Variants in PPP2R2C observed in about 807,000 individuals in gnomAD.
PPP2R2C encodes the protein protein phosphatase 2 regulatory subunit Bgamma.
Under a neutral mutation model 45.3 loss-of-function variants are expected in PPP2R2C, and 10 were observed. The ratio of observed to expected loss-of-function variants is 0.22; its 90% CI spans 0.14 to 0.37. PPP2R2C has a LOEUF of 0.37. PPP2R2C is among the 10% of genes least tolerant of loss of function. PPP2R2C has a pLI of 1.00. For missense variants in PPP2R2C, 308 were observed against 619.7 expected, an observed-to-expected ratio of 0.50 and a Z score of 5.34; for synonymous variants, 257 against 245.4, an observed-to-expected ratio of 1.05 and a Z score of -0.44.
rs916280657 is a variant in PPP2R2C, at chr4:6,347,971, G to A, written c.665C>T (p.Thr222Met). The A allele has an allele frequency of 2.5e-6, 4 of 1,613,900 alleles. No homozygotes were observed. Among genetic ancestry groups the A allele is most frequent in the African/African-American group, 2.7e-5 (2 of 74,894 alleles). The change falls in exon 6 of 9, where the codon ACG becomes ATG. Residue 222 changes from threonine (T) to methionine (M), a missense_variant. By Grantham distance (81) the Thr-to-Met change is moderately conservative. Transcript: ENST00000382599. ...GAACTCAGATGCTGTGATCACCTCC[G>A]TAAGGTCCTCCATGTTGGCCGGCTT... The part of the protein sequence containing the change: ...DIKPANMEDL[T>M]EVITASEFHP...
At chr4:6,534,795 G>A (rs1411394277) in intron 2 of PPP2R2C, among the ~76,000 whole-genome samples, 1 of 152,208 alleles carries the variant, frequency 6.6e-6, no homozygotes, top group Non-Finnish European at 1.5e-5. Context: ...CTCGCCCCCA[G>A]TCGGGGTCTA....
chr4:6,443,871 C>T (rs1720284020), intron 1 of PPP2R2C, among the ~76,000 whole-genome samples: 1 of 152,072 alleles, frequency 6.6e-6, no homozygotes, highest in Admixed American at 6.5e-5. Flanking sequence ...CACACAGCCT[C>T]TCAGGTGCAG....
chr4:6,443,485 G>A (rs1382335233), intron 1 of PPP2R2C, among the ~76,000 whole-genome samples: 11 of 152,174 alleles, frequency 7.2e-5, no homozygotes, highest in African/African-American at 1.9e-4. Flanking sequence ...AGACCACCCC[G>A]GCGTGAGTCA....
chr4:6,512,206 G>A (rs1198740233), intron 2 of PPP2R2C, among the ~76,000 whole-genome samples: 4 of 89,590 alleles, frequency 4.5e-5, no homozygotes, highest in Admixed American at 9.9e-5. Context: ...GGTGATGGTG[G>A]TGGTGATGGT....
intron 5 of PPP2R2C, among the ~76,000 whole-genome samples, chr4:6,354,095 C>T (rs1042944019): frequency 6.6e-6 from 1 of 150,622 alleles, no homozygotes; most frequent in African/African-American, 2.4e-5. Context: ...CCATCTGAAC[C>T]CCTTGCGCTC....
chr4:6,412,610 T>C (rs1019687586), intron 1 of PPP2R2C, among the ~76,000 whole-genome samples: 2 of 152,350 alleles, frequency 1.3e-5, no homozygotes, highest in Admixed American at 1.3e-4. Context: ...CTGTGTGCTG[T>C]GGATGTTACA....
chr4:6,413,069 T>C (rs1286072065), intron 1 of PPP2R2C, among the ~76,000 whole-genome samples: 1 of 152,204 alleles, frequency 6.6e-6, no homozygotes, highest in Middle Eastern at 3.2e-3. Flanking sequence ...AACAGTATCA[T>C]AAGCCTCCAC....
At chr4:6,479,732 C>A (rs1056415237) in intron 2 of PPP2R2C, among the ~76,000 whole-genome samples, 1 of 136,004 alleles carries the variant, frequency 7.4e-6, no homozygotes, top group African/African-American at 2.5e-5. Flanking sequence ...CATGATCAGA[C>A]CTTTTTTTTT....
rs1732535652 is a variant in PPP2R2C, at chr4:6,332,995, T to A, written c.960+567A>T. ...TATTTTAACATCACATGAGTTTTGTTGTCTACCCCCTAACATATCTGAATG... is the reference window on the plus strand; with the variant it reads ...TATTTTAACATCACATGAGTTTTGTAGTCTACCCCCTAACATATCTGAATG... On this transcript the variant is annotated intron_variant, in intron 7 of 8. Coordinates refer to ENST00000382599, the MANE Select transcript of PPP2R2C (RefSeq NM_020416.4). This position sits in a 1 kb window ranked among gnomAD's most constrained non-coding sequence, Gnocchi z 4.9. Among the ~76,000 whole-genome samples, 1 of 152,190 alleles carries A rather than the reference T, an allele frequency of 6.6e-6. No individual in the cohort carries two copies. Among genetic ancestry groups the A allele is most frequent in the African/African-American group, 2.4e-5 (1 of 41,448 alleles).
chr4:6,440,075 G>C (rs1455538244), intron 1 of PPP2R2C, among the ~76,000 whole-genome samples: 1 of 152,088 alleles, frequency 6.6e-6, no homozygotes, highest in Non-Finnish European at 1.5e-5. Context: ...CACAGGCTGG[G>C]TGGCCCATCT....
intron 1 of PPP2R2C, among the ~76,000 whole-genome samples, chr4:6,396,126 G>A (rs1717018099): frequency 6.6e-6 from 1 of 152,182 alleles, no homozygotes; most frequent in African/African-American, 2.4e-5. Context: ...GCTTCCACAT[G>A]GGGAAACCAC....
intron 1 of PPP2R2C, among the ~76,000 whole-genome samples, chr4:6,444,015 C>T (rs1720294416): frequency 6.6e-6 from 1 of 152,218 alleles, no homozygotes; most frequent in Admixed American, 6.5e-5. Context: ...GTCCAAACAA[C>T]CCTGGCCCGT....
At chr4:6,404,075 G>T (rs1717627632) in intron 1 of PPP2R2C, among the ~76,000 whole-genome samples, 1 of 152,106 alleles carries the variant, frequency 6.6e-6, no homozygotes, top group South Asian at 2.1e-4. Context: ...TCATGCTGAG[G>T]TGCTCAGCAT....
chr4:6,511,522 G>A (rs1332015001), intron 2 of PPP2R2C, among the ~76,000 whole-genome samples: 6 of 12,966 alleles, frequency 4.6e-4, no homozygotes, highest in African/African-American at 1.0e-3. Context: ...GGTGGTGGTG[G>A]TGATGGTGGT....
intron 1 of PPP2R2C, among the ~76,000 whole-genome samples, chr4:6,439,575 G>A (rs1473665520): frequency 3.3e-5 from 5 of 152,104 alleles, no homozygotes; most frequent in African/African-American, 9.7e-5. Context: ...TCACAGCCAG[G>A]CCCTGGGAGC....
At chr4:6,457,235 T>C (rs1211409816) in intron 1 of PPP2R2C, among the ~76,000 whole-genome samples, 1 of 138,980 alleles carries the variant, frequency 7.2e-6, no homozygotes, top group Admixed American at 7.2e-5. Flanking sequence ...AAATAGAGCA[T>C]GAAAGCTAAA....
At chr4:6,430,696 G>A (rs952114510) in intron 1 of PPP2R2C, among the ~76,000 whole-genome samples, 6 of 152,124 alleles carry the variant, frequency 3.9e-5, no homozygotes, top group South Asian at 2.1e-4. Context: ...GGGCCAAGGC[G>A]GGTGGATCAC....
chr4:6,511,349 C>T (rs972338296), intron 2 of PPP2R2C, among the ~76,000 whole-genome samples: 1 of 139,628 alleles, frequency 7.2e-6, no homozygotes, highest in South Asian at 2.2e-4. Context: ...TTGATAACTA[C>T]AGTGATGGTA....
chr4:6,367,266 A>C (rs767829812), intron 5 of PPP2R2C, among the ~76,000 whole-genome samples: 9 of 152,144 alleles, frequency 5.9e-5, no homozygotes, highest in Non-Finnish European at 1.0e-4. Context: ...CTAAAAGTCC[A>C]TTTTGCTGAG....
Sources: allele counts gnomAD v4.1 joint callset (sites outside exome capture counted in the v4.1 genomes callset), GRCh38; gene constraint gnomAD v4.1.1; non-coding constraint Gnocchi (gnomAD v3.1); transcripts MANE v1.5; gene names NCBI Gene and HGNC (gene_info 2026-07-23, HGNC 2026-07-21).